The following ABCB10 variants were observed in gnomAD, a reference collection of about 807,000 sequenced individuals.
The protein encoded by ABCB10 is ATP-binding cassette sub-family B member 10, mitochondrial.
Under a neutral mutation model 65.4 loss-of-function variants are expected in ABCB10, and 54 were observed. The observed-to-expected ratio is 0.83, with a 90% CI of 0.66 to 1.04. The LOEUF (loss-of-function observed/expected upper bound fraction) is 1.04. ABCB10 is among the 50% of genes least tolerant of loss of function. The pLI, the probability that ABCB10 is intolerant of heterozygous loss-of-function variation, is 0.00. For missense variants in ABCB10, 846 were observed against 976.6 expected (o/e 0.87, Z 1.78); for synonymous variants, 418 against 406.5 (o/e 1.03, Z -0.34).
intron 6 of ABCB10, among the ~76,000 whole-genome samples, chr1:229,533,149 T>C (rs933160162): frequency 6.6e-6 from 1 of 152,054 alleles, no homozygotes; most frequent in Non-Finnish European, 1.5e-5. Context: ...CCATTATTAT[T>C]ATTTTTTTTT....
intron 8 of ABCB10, 64 bp downstream of exon 8, chr1:229,530,135 G>C: frequency 6.6e-7 from 1 of 1,519,538 alleles, no homozygotes. Context: ...CATCTCCTAG[G>C]GCGCAAAAGT....
chr1:229,525,296 C>T (rs1314195826), intron 10 of ABCB10, among the ~76,000 whole-genome samples: 4 of 152,096 alleles, frequency 2.6e-5, no homozygotes, highest in African/African-American at 7.2e-5. Flanking sequence ...ATCATCCTGC[C>T]ACTTCTTATT....
Position 229,518,421 on chromosome 1 carries a change from A to G in ABCB10, c.1986-11T>C. 1 of 1,611,324 alleles carries G rather than the reference A, an allele frequency of 6.2e-7. No homozygotes were observed. The highest frequency in any genetic ancestry group is 8.5e-7 in the Non-Finnish European group (1 of 1,177,448). On this transcript the variant is annotated splice_polypyrimidine_tract_variant and intron_variant, in intron 12 of 12. Coordinates refer to ENST00000344517, the MANE Select transcript of ABCB10 (RefSeq NM_012089.3). ...TCGGCATCCAGCGCACTGACACAGG[A>G]GCACACACACAAGAAAGCAAAGACG...
At chr1:229,555,485 T>C (rs910549281) in intron 1 of ABCB10, among the ~76,000 whole-genome samples, 2 of 152,278 alleles carry the variant, frequency 1.3e-5, no homozygotes, top group African/African-American at 4.8e-5. Context: ...ATGCTAAAGC[T>C]GCTTTCAGCA....
chr1:229,531,904 C>A, intron 6 of ABCB10, 173 bp from the exon 7 acceptor site: 17 of 372,630 alleles, frequency 4.6e-5, no homozygotes, highest in East Asian at 9.7e-5. Flanking sequence ...TTGCTTGTCT[C>A]ATACTCTAGT....
chr1:229,531,220 A>AC (rs1367454723), intron 7 of ABCB10, among the ~76,000 whole-genome samples: 4 of 152,156 alleles, frequency 2.6e-5, no homozygotes, highest in Non-Finnish European at 5.9e-5. Flanking sequence ...AGAAACTTAG[A>AC]TATTTTCTTA....
chr1:229,531,894 T>C (rs1284286948), intron 6 of ABCB10, 163 bp from the exon 7 acceptor site: 3 of 484,624 alleles, frequency 6.2e-6, no homozygotes, highest in Admixed American at 3.9e-5. Context: ...ATACTCAGAA[T>C]TGCTTGTCTC....
At chr1:229,542,690 A>T (rs943321392) in intron 3 of ABCB10, among the ~76,000 whole-genome samples, 6 of 151,228 alleles carry the variant, frequency 4.0e-5, no homozygotes, top group Non-Finnish European at 8.8e-5. Context: ...GGGAAGAGAC[A>T]GGATGGGGGT....
Position 229,558,347 on chromosome 1 carries a change from G to C in ABCB10, c.306C>G (p.Cys102Trp). ...LWARGPGSCR[C>W]GAFAGPGAPR... ...GAGCGCCTGGCCCGGCAAAAGCCCC[G>C]CACCTGCAGCTGCCGGGGCCGCGAG... The change falls in exon 1 of 13, where the codon TGC (cysteine) becomes TGG (tryptophan). Residue 102 changes from cysteine (C) to tryptophan (W), a missense_variant. Physicochemically the swap from Cys to Trp is radical, Grantham distance 215. Transcript: ENST00000344517. 1 of 1,256,942 alleles carries C rather than the reference G, an allele frequency of 8.0e-7. No individual in the cohort carries two copies. The highest frequency in any genetic ancestry group is 4.3e-5 in the East Asian group (1 of 23,146). The allele number at this position is 1,256,942 out of a possible 1,614,324, so 77.9% of individuals were successfully genotyped here.
Position 229,558,422 on chromosome 1 carries a change from C to T in ABCB10, c.231G>A (p.Pro77=). 8.3e-7 allele frequency: 1 copy of T among 1,204,550 alleles called. No homozygotes were observed. The highest frequency in any genetic ancestry group is 1.0e-6 in the Non-Finnish European group (1 of 973,268). 74.6% of individuals were successfully genotyped at this position (1,204,550 alleles called of 1,614,324 possible). The part of the protein sequence containing the change: ...RWRSGCRGGG[P]GASRGVLGLA... ...GGCCCAGGACGCCCCGCGAGGCGCC[C>T]GGACCCCCGCCCCGGCAGCCGCTCC... Residue 77 remains proline (P), a synonymous_variant, in exon 1 of 13, where the codon CCG becomes CCA. Coordinates refer to ENST00000344517, the MANE Select transcript of ABCB10 (RefSeq NM_012089.3).
chr1:229,525,206 C>G (rs1380846972), intron 10 of ABCB10, among the ~76,000 whole-genome samples: 1 of 152,120 alleles, frequency 6.6e-6, no homozygotes, highest in Non-Finnish European at 1.5e-5. Flanking sequence ...TTGTCAAACC[C>G]TGGTCTAGTA....
chr1:229,558,344 C>T lies in ABCB10; in HGVS notation c.309G>A (p.Gly103=). The change falls in exon 1 of 13, where the codon GGG becomes GGA. Residue 103 remains glycine, a synonymous_variant. Coordinates refer to ENST00000344517, the MANE Select transcript of ABCB10 (RefSeq NM_012089.3). ...WARGPGSCRC[G]AFAGPGAPRL... is the part of the protein sequence containing the mutation. Reference sequence around the variant, plus strand: ...GAGGAGCGCCTGGCCCGGCAAAAGCCCCGCACCTGCAGCTGCCGGGGCCGC... The same window carrying T: ...GAGGAGCGCCTGGCCCGGCAAAAGCTCCGCACCTGCAGCTGCCGGGGCCGC... 1 of 1,259,850 alleles carries T rather than the reference C, an allele frequency of 7.9e-7. No individual in the cohort carries two copies. The highest frequency in any genetic ancestry group is 2.0e-5 in the South Asian group (1 of 50,952). The allele number at this position is 1,259,850 out of a possible 1,614,324, so 78.0% of individuals were successfully genotyped here.
intron 12 of ABCB10, 99 bp from the exon 13 acceptor site, chr1:229,518,509 C>G (rs995092599): frequency 3.1e-5 from 31 of 1,005,550 alleles, no homozygotes; most frequent in Non-Finnish European, 4.2e-5. Context: ...GAATTTTTAC[C>G]ATGATCAAAA....
At chr1:229,543,197 AC>A in intron 3 of ABCB10, among the ~76,000 whole-genome samples, 1 of 152,200 alleles carries the variant, frequency 6.6e-6, no homozygotes, top group African/African-American at 2.4e-5. Context: ...GACACAACTA[AC>A]AAGTCGAAGA....
rs1382376130 is a variant in ABCB10, at chr1:229,517,082, G to A, written c.*1097C>T. The A allele has an allele frequency of 6.6e-6, 1 of 152,074 alleles. No homozygotes were observed. Among genetic ancestry groups the A allele is most frequent in the Non-Finnish European group, 1.5e-5 (1 of 68,002 alleles). 9.4% of individuals were successfully genotyped at this position (152,074 alleles called of 1,614,324 possible). A position where few individuals can be genotyped will look rare whatever the true frequency, so the allele number is the denominator to read the frequency against. ...ATTAACAGCACTGATACAAAATATGGCAAATTCAATGGTTGTAGCATTGCT... is the reference window on the plus strand; with the variant it reads ...ATTAACAGCACTGATACAAAATATGACAAATTCAATGGTTGTAGCATTGCT... On this transcript the variant is annotated 3_prime_UTR_variant, in exon 13 of 13. Transcript: ENST00000344517.
At chr1:229,543,020 A>T (rs1262177872) in intron 3 of ABCB10, among the ~76,000 whole-genome samples, 3 of 151,364 alleles carry the variant, frequency 2.0e-5, no homozygotes, top group African/African-American at 7.3e-5. Context: ...AATCCCAGCT[A>T]CTCGGGAGGC....
At chr1:229,544,683 T>G (rs1439200539) in intron 3 of ABCB10, among the ~76,000 whole-genome samples, 2 of 152,188 alleles carry the variant, frequency 1.3e-5, no homozygotes, top group Non-Finnish European at 2.9e-5. Flanking sequence ...GAAATTCACA[T>G]GTTGAAGCCT....
At chr1:229,523,446 G>A (rs1662362457) in intron 10 of ABCB10, among the ~76,000 whole-genome samples, 1 of 152,154 alleles carries the variant, frequency 6.6e-6, no homozygotes, top group South Asian at 2.1e-4. Flanking sequence ...ATATAAGAGA[G>A]GTTCATCCTC....
At position 229,525,927 on chromosome 1, in the gene ABCB10, G is replaced by T. The variant is rs1662429045; in HGVS notation, c.1906+9C>A. Reference sequence around the variant, plus strand: ...AGAGACTTTGCTACAAAGCAGTAAAGAAATGCACCTGAGAGGAGAACACCC... The same window carrying T: ...AGAGACTTTGCTACAAAGCAGTAAATAAATGCACCTGAGAGGAGAACACCC... On this transcript the variant is annotated intron_variant, in intron 10 of 12. Transcript: ENST00000344517. The T allele has an allele frequency of 1.9e-6, 3 of 1,603,706 alleles. No individual in the cohort carries two copies. The highest frequency in any genetic ancestry group is 2.6e-6 in the Non-Finnish European group (3 of 1,175,324).
Sources: allele counts gnomAD v4.1 joint callset (sites outside exome capture counted in the v4.1 genomes callset), GRCh38; gene constraint gnomAD v4.1.1; transcripts MANE v1.5; gene names NCBI Gene and HGNC (gene_info 2026-07-23, HGNC 2026-07-21).